SPTLC3: variants seen among roughly 807,000 people sequenced by gnomAD.
SPTLC3 encodes the protein serine palmitoyltransferase 3.
In SPTLC3, 36 loss-of-function variants were observed where a neutral mutation model predicts 59.3. The ratio of observed to expected loss-of-function variants is 0.61; its 90% CI spans 0.47 to 0.80. SPTLC3 has a LOEUF of 0.80. SPTLC3 is among the 30% of genes least tolerant of loss of function. The probability of loss-of-function intolerance (pLI) is 0.00; values close to 1 mark genes in which losing one functional copy is unlikely to be tolerated. For synonymous variants in SPTLC3, 257 were observed against 240.8 expected, an observed-to-expected ratio of 1.07 and a Z score of -0.62; for missense variants, 625 against 685.1, an observed-to-expected ratio of 0.91 and a Z score of 0.98.
intron 10 of SPTLC3, among the ~76,000 whole-genome samples, chr20:13,157,251 A>G (rs1206591629): frequency 7.0e-6 from 1 of 142,528 alleles, no homozygotes; most frequent in East Asian, 2.1e-4. Flanking sequence ...CAGCCTGGCC[A>G]ACCCTGTTTC....
At position 13,126,679 on chromosome 20, in the gene SPTLC3, C is replaced by T. The variant is rs1210406797; in HGVS notation, c.1241C>T (p.Ser414Leu). The change falls in exon 9 of 12, where the codon TCA becomes TTA. Residue 414 changes from serine to leucine, a missense_variant. Physicochemically the swap from Ser to Leu is moderately radical, Grantham distance 145. Coordinates refer to ENST00000399002, the MANE Select transcript of SPTLC3 (RefSeq NM_018327.4). The part of the protein sequence containing the change: ...SPPIAEQIIR[S>L]LKLIMGLDGT... ...CCGATAGCAGAGCAAATCATCAGAT[C>T]ACTAAAACTTATCATGGGACTGGAT... 6.2e-7 allele frequency: 1 copy of T among 1,613,954 alleles called. No individual in the cohort carries two copies.
intron 6 of SPTLC3, among the ~76,000 whole-genome samples, chr20:13,104,002 A>T (rs1989731079): frequency 6.6e-6 from 1 of 152,140 alleles, no homozygotes; most frequent in Non-Finnish European, 1.5e-5. Context: ...GCTTGCTATT[A>T]TTAGGGTTTT....
At chr20:13,034,914 T>C (rs1986668092) in intron 1 of SPTLC3, among the ~76,000 whole-genome samples, 1 of 152,092 alleles carries the variant, frequency 6.6e-6, no homozygotes, top group African/African-American at 2.4e-5. Flanking sequence ...ATTGCAGTGG[T>C]CCAGGAGAAA....
intron 7 of SPTLC3, among the ~76,000 whole-genome samples, chr20:13,116,524 A>C (rs574473093): frequency 9.9e-5 from 15 of 152,164 alleles, no homozygotes; most frequent in Non-Finnish European, 2.1e-4. Context: ...ATTTATTCAT[A>C]GACTACATTT....
At chr20:13,031,782 C>T (rs1332599237) in intron 1 of SPTLC3, among the ~76,000 whole-genome samples, 2 of 152,144 alleles carry the variant, frequency 1.3e-5, no homozygotes, top group Non-Finnish European at 2.9e-5. Flanking sequence ...GACTAAGTCC[C>T]ATGGGTACTC....
chr20:13,140,652 A>G (rs943198036), intron 9 of SPTLC3, among the ~76,000 whole-genome samples: 14 of 152,176 alleles, frequency 9.2e-5, no homozygotes, highest in African/African-American at 3.4e-4. Context: ...GATTAAAAAA[A>G]CAGCTCTAAA....
chr20:13,069,874 T>G (rs1240422849), intron 2 of SPTLC3, among the ~76,000 whole-genome samples: 4 of 152,232 alleles, frequency 2.6e-5, no homozygotes, highest in Non-Finnish European at 5.9e-5. Flanking sequence ...ATTATAATTC[T>G]CTTCAGAGTC....
In SPTLC3 at chr20:13,129,565, G is replaced by T. The variant is rs970450248; in HGVS notation, c.1279+2848G>T. On this transcript the variant is annotated intron_variant, in intron 9 of 11. Transcript: ENST00000399002. Reference sequence around the variant, plus strand: ...TTTAAAGACAAGTGACTAGGAAAAAGTTATTCTAGAAATTAGCTTGTGTCT... The same window carrying T: ...TTTAAAGACAAGTGACTAGGAAAAATTTATTCTAGAAATTAGCTTGTGTCT... 2.0e-5 allele frequency among the ~76,000 whole-genome samples: 3 copies of T among 152,232 alleles called. No homozygotes were observed. In the South Asian group the frequency reaches 6.2e-4, roughly 32 times the overall value.
chr20:13,110,425 G>A (rs1247689904), intron 7 of SPTLC3, among the ~76,000 whole-genome samples: 1 of 152,172 alleles, frequency 6.6e-6, no homozygotes, highest in African/African-American at 2.4e-5. Context: ...GCAGCTTGGA[G>A]GCTGGCCGGC....
At chr20:13,072,634 G>T (rs8126205) in intron 3 of SPTLC3, among the ~76,000 whole-genome samples, 55,513 of 151,952 alleles carry the variant, frequency 0.37, 10,217 homozygotes, top group Middle Eastern at 0.48. Flanking sequence ...CTAAGACCTG[G>T]GTCAGAAGGT....
At position 13,154,048 on chromosome 20, in the gene SPTLC3, G is replaced by A. The variant is rs2038711534; in HGVS notation, c.1325G>A (p.Arg442Lys). Residue 442 changes from arginine (R) to lysine (K), a missense_variant, in exon 10 of 12, where the codon AGA (arginine) becomes AAA (lysine). By Grantham distance (26) the Arg-to-Lys change is conservative. Transcript: ENST00000399002. ...QQLAKNTRYF[R>K]QRLQEMGFII... ...CTTGCGAAAAACACAAGATACTTCA[G>A]ACAAAGACTGCAGGAAATGGGATTC... The A allele has an allele frequency of 6.2e-7, 1 of 1,614,126 alleles. No homozygotes were observed. The highest frequency in any genetic ancestry group is 1.7e-5 in the Admixed American group (1 of 60,014).
chr20:13,164,978 C>A lies in SPTLC3; in HGVS notation c.*111C>A. Reference sequence around the variant, plus strand: ...CCTTCCTCAGGACAATTTTGGTTCCCAGACCAGCTTGATTGAACTGAGGGA... The same window carrying A: ...CCTTCCTCAGGACAATTTTGGTTCCAAGACCAGCTTGATTGAACTGAGGGA... On this transcript the variant is annotated 3_prime_UTR_variant, in exon 12 of 12. Coordinates refer to ENST00000399002, the MANE Select transcript of SPTLC3 (RefSeq NM_018327.4). The A allele has an allele frequency of 1.1e-6, 1 of 870,686 alleles. No individual in the cohort carries two copies. The allele number at this position is 870,686 out of a possible 1,614,324, so 53.9% of individuals were successfully genotyped here. A position where few individuals can be genotyped will look rare whatever the true frequency, so the allele number is the denominator to read the frequency against.
At chr20:13,119,651 C>CT (rs1358211501) in intron 8 of SPTLC3, among the ~76,000 whole-genome samples, 1 of 152,168 alleles carries the variant, frequency 6.6e-6, no homozygotes, top group Non-Finnish European at 1.5e-5. Flanking sequence ...CCACCTTTCT[C>CT]TGTCTTCTCT....
chr20:13,106,774 T>A (rs1989925711), intron 6 of SPTLC3, among the ~76,000 whole-genome samples: 1 of 152,204 alleles, frequency 6.6e-6, no homozygotes, highest in Non-Finnish European at 1.5e-5. Context: ...AGCCTGGGCA[T>A]TTTCTTTTCC....
intron 1 of SPTLC3, among the ~76,000 whole-genome samples, chr20:13,011,319 T>C (rs978870637): frequency 6.6e-6 from 1 of 152,144 alleles, no homozygotes; most frequent in Non-Finnish European, 1.5e-5. Context: ...AGAAGCAGTC[T>C]GCAAAGGCTT....
At position 13,169,029 on chromosome 20, in the gene SPTLC3, T is replaced by C. The variant is rs1378591686; in HGVS notation, c.*4162T>C. On this transcript the variant is annotated 3_prime_UTR_variant, in exon 12 of 12. Transcript: ENST00000399002. ...AGAAATGTATGTTTCACTGAAACAT[T>C]TGAAACGACCAATTTCACTTTATTG... The C allele has an allele frequency of 6.6e-6, 1 of 152,034 alleles. No individual in the cohort carries two copies. Among genetic ancestry groups the C allele is most frequent in the Admixed American group, 6.6e-5 (1 of 15,248 alleles). The allele number at this position is 152,034 out of a possible 1,614,324, so 9.4% of individuals were successfully genotyped here.
chr20:13,072,327 C>T lies in SPTLC3; in HGVS notation c.375C>T (p.Asn125=). The T allele has an allele frequency of 6.2e-7, 1 of 1,613,886 alleles. No individual in the cohort carries two copies. Among genetic ancestry groups the T allele is most frequent in the Non-Finnish European group, 8.5e-7 (1 of 1,179,868 alleles). Reference sequence around the variant, plus strand: ...ACCTTTACATGCGAATCAGAGACAACTGGAACCGGCCCATCTGCAGTGCCC... The same window carrying T: ...ACCTTTACATGCGAATCAGAGACAATTGGAACCGGCCCATCTGCAGTGCCC... ...TRNLYMRIRD[N]WNRPICSAPG... is the part of the protein sequence containing the mutation. Residue 125 remains asparagine (N), a synonymous_variant, in exon 3 of 12, where the codon AAC becomes AAT. Coordinates refer to ENST00000399002, the MANE Select transcript of SPTLC3 (RefSeq NM_018327.4).
intron 9 of SPTLC3, among the ~76,000 whole-genome samples, chr20:13,134,955 T>C (rs1343186884): frequency 1.3e-5 from 2 of 152,180 alleles, no homozygotes; most frequent in Non-Finnish European, 2.9e-5. Context: ...GCATCAGGAA[T>C]AGGAAAGGGA....
At chr20:13,097,139 A>G (rs867447122) in intron 6 of SPTLC3, among the ~76,000 whole-genome samples, 1 of 152,138 alleles carries the variant, frequency 6.6e-6, no homozygotes, top group Non-Finnish European at 1.5e-5. Flanking sequence ...TGGAAAAATG[A>G]AGAGTCTATT....
Sources: allele counts gnomAD v4.1 joint callset (sites outside exome capture counted in the v4.1 genomes callset), GRCh38; gene constraint gnomAD v4.1.1; transcripts MANE v1.5; gene names NCBI Gene and HGNC (gene_info 2026-07-23, HGNC 2026-07-21).